MED4: variants seen among roughly 807,000 people sequenced by gnomAD.
MED4 encodes mediator complex subunit 4.
In MED4, 21 loss-of-function variants were observed where a neutral mutation model predicts 35.0. The observed-to-expected ratio is 0.60, with a 90% confidence interval of 0.43 to 0.86. The LOEUF is 0.86. Among genes scored for constraint, MED4 ranks in the 40% least tolerant of loss-of-function variants. MED4 has a pLI of 0.00. For missense variants in MED4, 300 were observed against 319.4 expected (o/e 0.94, Z 0.46); for synonymous variants, 138 against 114.0 (o/e 1.21, Z -1.34).
At chr13:48,082,700 G>T (rs551142679) in intron 4 of MED4, among the ~76,000 whole-genome samples, 3 of 152,102 alleles carry the variant, frequency 2.0e-5, no homozygotes, top group Admixed American at 6.5e-5. Flanking sequence ...GGTGGCGGGC[G>T]CCTGTAGTCC....
At chr13:48,081,594 A>C in intron 5 of MED4, 51 bp downstream of exon 5, 1 of 1,289,920 alleles carries the variant, frequency 7.8e-7, no homozygotes, top group Non-Finnish European at 1.1e-6. Flanking sequence ...ATAGTCACCT[A>C]AGAATCTTCA....
intron 2 of MED4, among the ~76,000 whole-genome samples, chr13:48,087,970 T>G (rs1950864906): frequency 6.6e-6 from 1 of 152,232 alleles, no homozygotes; most frequent in Non-Finnish European, 1.5e-5. Flanking sequence ...TTCATATCTC[T>G]AGTCCTCCAT....
In MED4 at chr13:48,081,626, A is replaced by G. The variant is rs752261563; in HGVS notation, c.508+19T>C. 2.3e-5 allele frequency: 36 copies of G among 1,577,258 alleles called. No individual in the cohort carries two copies. Among genetic ancestry groups the G allele is most frequent in the Non-Finnish European group, 2.9e-5 (33 of 1,151,514 alleles). ...TTCAAAACCACATATATCTAGTATA[A>G]TAAGACGAGTATGTTTACCTGGAAC... On this transcript the variant is annotated intron_variant, in intron 5 of 6. Coordinates refer to ENST00000258648, the MANE Select transcript of MED4 (RefSeq NM_014166.4).
chr13:48,080,891 A>G (rs1004685245), intron 5 of MED4, among the ~76,000 whole-genome samples: 1 of 152,204 alleles, frequency 6.6e-6, no homozygotes. Flanking sequence ...AGGAGCAGGT[A>G]ATGTCCATCC....
intron 6 of MED4, among the ~76,000 whole-genome samples, chr13:48,079,569 A>G (rs759128751): frequency 1.3e-5 from 2 of 151,954 alleles, no homozygotes; most frequent in Non-Finnish European, 1.5e-5. Context: ...GCGAAACCCC[A>G]TATCCACTAA....
At chr13:48,094,795 A>C (rs1950916093) in intron 1 of MED4, among the ~76,000 whole-genome samples, 159 bp downstream of exon 1, 1 of 152,112 alleles carries the variant, frequency 6.6e-6, no homozygotes, top group Non-Finnish European at 1.5e-5. Flanking sequence ...AGAGTGCCAG[A>C]GGGCTGCGGA....
intron 5 of MED4, 159 bp from the exon 6 acceptor site, chr13:48,080,134 C>T: frequency 7.0e-6 from 5 of 713,478 alleles, no homozygotes; most frequent in Middle Eastern, 4.3e-4. Flanking sequence ...CAGTGGCTCA[C>T]GCCTGTAATC....
At chr13:48,089,555 C>A (rs1354673186) in intron 2 of MED4, among the ~76,000 whole-genome samples, 1 of 152,040 alleles carries the variant, frequency 6.6e-6, no homozygotes, top group African/African-American at 2.4e-5. Context: ...CTGACCTGGG[C>A]TACACAGTGA....
chr13:48,094,892 G>T, intron 1 of MED4, 62 bp downstream of exon 1: 1 of 1,577,044 alleles, frequency 6.3e-7, no homozygotes, highest in African/African-American at 1.3e-5. Context: ...CGCAGGGCCG[G>T]CCGGCTCCGG....
chr13:48,092,373 A>T (rs985543023), intron 1 of MED4, among the ~76,000 whole-genome samples: 4 of 152,182 alleles, frequency 2.6e-5, no homozygotes, highest in African/African-American at 9.7e-5. Flanking sequence ...CGGCCTCCCA[A>T]AGTGCTGGGA....
chr13:48,080,485 C>A (rs926403468), intron 5 of MED4, among the ~76,000 whole-genome samples: 3 of 150,486 alleles, frequency 2.0e-5, no homozygotes, highest in Non-Finnish European at 4.4e-5. Context: ...TTAAAATACA[C>A]GCATTTTAAT....
At chr13:48,087,872 G>C (rs567218648) in intron 2 of MED4, among the ~76,000 whole-genome samples, 37 of 151,874 alleles carry the variant, frequency 2.4e-4, no homozygotes, top group Non-Finnish European at 4.9e-4. Context: ...AAAATACAGT[G>C]ATTTCATAAA....
intron 6 of MED4, among the ~76,000 whole-genome samples, chr13:48,077,731 T>C (rs866659602): frequency 4.6e-5 from 7 of 152,146 alleles, no homozygotes; most frequent in South Asian, 4.1e-4. Flanking sequence ...AGGAAAAAAA[T>C]ACACATTTAG....
At chr13:48,088,926 C>T (rs1950870931) in intron 2 of MED4, among the ~76,000 whole-genome samples, 1 of 152,158 alleles carries the variant, frequency 6.6e-6, no homozygotes, top group South Asian at 2.1e-4. Flanking sequence ...AGTACTAAGA[C>T]ACAATTCACA....
chr13:48,080,618 A>C (rs558972476), intron 5 of MED4, among the ~76,000 whole-genome samples: 2 of 152,256 alleles, frequency 1.3e-5, no homozygotes, highest in South Asian at 2.1e-4. Context: ...AATTATTCAA[A>C]CTTAACTGTA....
In MED4 at chr13:48,094,415, C is replaced by G. The variant is rs550816657; in HGVS notation, c.125+539G>C. ...CCATCCTAAACAACTTGCAACTCCA[C>G]CAAGCCAGGCTTTTTGCACTTGCTG... On this transcript the variant is annotated intron_variant, in intron 1 of 6. Transcript: ENST00000258648. Among the ~76,000 whole-genome samples the G allele has an allele frequency of 4.2e-4, 64 of 152,336 alleles. No homozygotes were observed. The South Asian group carries it at 0.013, about 31-fold the overall frequency.
At chr13:48,079,735 A>G in intron 6 of MED4, 109 bp downstream of exon 6, 2 of 1,393,830 alleles carry the variant, frequency 1.4e-6, no homozygotes, top group Non-Finnish European at 2.0e-6. Flanking sequence ...TTACAAAAAA[A>G]AAAAAATTGT....
At position 48,076,157 on chromosome 13, in the gene MED4, T is replaced by C. The variant is rs573449890; in HGVS notation, c.*982A>G. 6.6e-6 allele frequency: 1 copy of C among 152,350 alleles called. No homozygotes were observed. The highest frequency in any genetic ancestry group is 6.5e-5 in the Admixed American group (1 of 15,310). 9.4% of individuals were successfully genotyped at this position (152,350 alleles called of 1,614,324 possible). Reference sequence around the variant, plus strand: ...TTATTTTCTCCTTTACTGTATTCACTAAATGTTTCACATTAAATGTTGTAT... The same window carrying C: ...TTATTTTCTCCTTTACTGTATTCACCAAATGTTTCACATTAAATGTTGTAT... On this transcript the variant is annotated 3_prime_UTR_variant, in exon 7 of 7. Coordinates refer to ENST00000258648, the MANE Select transcript of MED4 (RefSeq NM_014166.4).
In MED4 at chr13:48,089,541, A is replaced by T. The variant is rs182447549; in HGVS notation, c.192+811T>A. 3.8e-3 allele frequency among the ~76,000 whole-genome samples: 585 copies of T among 152,228 alleles called. 2 individuals carry two copies. Among genetic ancestry groups the T allele is most frequent in the African/African-American group, 0.013 (548 of 41,534 alleles). On this transcript the variant is annotated intron_variant, in intron 2 of 6. Transcript: ENST00000258648. ...TGAGGACAGGAGTTCAAGACAGTTCAAGACTGACCTGGGCTACACAGTGAG... is the reference window on the plus strand; with the variant it reads ...TGAGGACAGGAGTTCAAGACAGTTCTAGACTGACCTGGGCTACACAGTGAG...
Sources: allele counts gnomAD v4.1 joint callset (sites outside exome capture counted in the v4.1 genomes callset), GRCh38; gene constraint gnomAD v4.1.1; transcripts MANE v1.5; gene names NCBI Gene and HGNC (gene_info 2026-07-23, HGNC 2026-07-21).